LAMA2: variants seen among roughly 807,000 people sequenced by gnomAD.
LAMA2 encodes laminin subunit alpha-2.
In LAMA2, 269 loss-of-function variants were observed where a neutral mutation model predicts 364.8. The observed-to-expected ratio is 0.74, with a 90% CI of 0.67 to 0.82. LAMA2 has a LOEUF of 0.82. Among genes scored for constraint, LAMA2 ranks in the 40% least tolerant of loss-of-function variants. The pLI is 0.00. For missense variants in LAMA2, 3,807 were observed against 3,873.2 expected (o/e 0.98, Z 0.45); for synonymous variants, 1,379 against 1,370.6 (o/e 1.01, Z -0.14).
At chr6:129,262,345 G>T (rs1787193198) in intron 15 of LAMA2, among the ~76,000 whole-genome samples, 1 of 152,012 alleles carries the variant, frequency 6.6e-6, no homozygotes, top group Non-Finnish European at 1.5e-5. Flanking sequence ...TAAGGGAGAG[G>T]TATGTGCTAC....
intron 1 of LAMA2, among the ~76,000 whole-genome samples, chr6:128,977,417 T>C (rs953814509): frequency 6.6e-6 from 1 of 151,906 alleles, no homozygotes; most frequent in South Asian, 2.1e-4. Context: ...AGGGCCACCA[T>C]GCCCAACTAA....
chr6:129,042,795 G>C (rs1413720577), intron 1 of LAMA2, among the ~76,000 whole-genome samples: 1 of 152,082 alleles, frequency 6.6e-6, no homozygotes, highest in South Asian at 2.1e-4. Flanking sequence ...CTTATATTAT[G>C]TGGCATAATC....
intron 3 of LAMA2, among the ~76,000 whole-genome samples, chr6:129,084,303 G>A (rs1049871538): frequency 2.0e-5 from 3 of 152,086 alleles, no homozygotes; most frequent in South Asian, 2.1e-4. Context: ...AAAGATTACT[G>A]AGAATGTAGA....
chr6:129,202,136 C>T (rs7755187), intron 12 of LAMA2, among the ~76,000 whole-genome samples: 9,509 of 134,918 alleles, frequency 0.07, 429 homozygotes, highest in African/African-American at 0.14. Context: ...TTCAGTGAGC[C>T]GAGATCATAC....
chr6:128,983,236 A>C (rs1469825693), intron 1 of LAMA2, among the ~76,000 whole-genome samples: 1 of 152,006 alleles, frequency 6.6e-6, no homozygotes, highest in Non-Finnish European at 1.5e-5. Context: ...CCAACAGTGT[A>C]AAAGTGTTCC....
intron 1 of LAMA2, among the ~76,000 whole-genome samples, chr6:128,914,417 A>G (rs1778176835): frequency 6.6e-6 from 1 of 152,222 alleles, no homozygotes; most frequent in Non-Finnish European, 1.5e-5. Context: ...TGAGCAACTA[A>G]GAAATACTTA....
At chr6:129,447,371 G>T (rs887494370) in intron 45 of LAMA2, among the ~76,000 whole-genome samples, 1 of 152,204 alleles carries the variant, frequency 6.6e-6, no homozygotes, top group African/African-American at 2.4e-5. Flanking sequence ...GTGCTGGGGA[G>T]TTGGGGGTGG....
chr6:129,391,755 G>C (rs1779334962), intron 36 of LAMA2, 102 bp downstream of exon 36: 1 of 982,918 alleles, frequency 1.0e-6, no homozygotes, highest in Non-Finnish European at 1.6e-6. Flanking sequence ...AAGATGCTTT[G>C]TTTTTCCAAC....
chr6:129,362,895 G>A (rs1334105905), intron 32 of LAMA2, among the ~76,000 whole-genome samples: 1 of 152,164 alleles, frequency 6.6e-6, no homozygotes, highest in African/African-American at 2.4e-5. Context: ...AGAATTCTAG[G>A]TAGAGAAGAC....
intron 1 of LAMA2, among the ~76,000 whole-genome samples, chr6:128,893,813 T>C (rs1582616535): frequency 1.3e-5 from 2 of 152,122 alleles, no homozygotes; most frequent in Non-Finnish European, 2.9e-5. Flanking sequence ...AATAAAACAA[T>C]TACATGTTGA....
chr6:129,410,462 A>G (rs1048468503), intron 40 of LAMA2, among the ~76,000 whole-genome samples: 2 of 152,144 alleles, frequency 1.3e-5, no homozygotes, highest in Non-Finnish European at 2.9e-5. Context: ...TTACTCACAC[A>G]TACACTCACA....
intron 4 of LAMA2, among the ~76,000 whole-genome samples, chr6:129,103,085 G>C (rs1775608046): frequency 1.3e-5 from 2 of 152,308 alleles, no homozygotes; most frequent in South Asian, 4.1e-4. Flanking sequence ...CAGGACAAAA[G>C]CTGTCACAAC....
chr6:128,991,696 A>G (rs1783623882), intron 1 of LAMA2, among the ~76,000 whole-genome samples: 1 of 152,214 alleles, frequency 6.6e-6, no homozygotes, highest in Non-Finnish European at 1.5e-5. Context: ...AATCTATTCT[A>G]GGACAAAATA....
At chr6:129,105,568 T>G (rs780851130) in intron 4 of LAMA2, among the ~76,000 whole-genome samples, 1 of 152,200 alleles carries the variant, frequency 6.6e-6, no homozygotes, top group African/African-American at 2.4e-5. Flanking sequence ...TTTCCAGCCT[T>G]TTAAACCCTG....
intron 44 of LAMA2, among the ~76,000 whole-genome samples, chr6:129,444,214 C>T (rs1373963549): frequency 6.6e-6 from 1 of 152,056 alleles, no homozygotes; most frequent in African/African-American, 2.4e-5. Context: ...TTCCAAGTTC[C>T]ATTTTGAAAC....
intron 2 of LAMA2, among the ~76,000 whole-genome samples, chr6:129,055,523 A>G (rs529370503): frequency 8.1e-4 from 123 of 152,254 alleles, no homozygotes; most frequent in South Asian, 5.0e-3. Context: ...GACCAGATTC[A>G]TTCCACATTT....
intron 34 of LAMA2, among the ~76,000 whole-genome samples, chr6:129,371,883 A>G (rs1245258118): frequency 3.3e-5 from 5 of 152,172 alleles, no homozygotes; most frequent in Non-Finnish European, 7.3e-5. Flanking sequence ...CTGGGATTAC[A>G]GGCATGAGCC....
At position 129,361,241 on chromosome 6, in the gene LAMA2, G is replaced by C. The variant is rs367973646; in HGVS notation, c.4718-4978G>C. On this transcript the variant is annotated intron_variant, in intron 32 of 64. Coordinates refer to ENST00000421865, the MANE Select transcript of LAMA2 (RefSeq NM_000426.4). ...ACTTTTAAAACAATGATGAACTTGG[G>C]CTCAGTGAGAGAAGAACCTTCCTAT... Among the ~76,000 whole-genome samples, 117 of 152,212 alleles carry C rather than the reference G, an allele frequency of 7.7e-4. 6 individuals carry two copies. In the South Asian group the frequency reaches 0.024, roughly 31 times the overall value.
chr6:129,357,862 C>T (rs529047415), intron 32 of LAMA2, among the ~76,000 whole-genome samples: 2 of 151,860 alleles, frequency 1.3e-5, no homozygotes, highest in Non-Finnish European at 2.9e-5. Context: ...GGAGCAGAAA[C>T]AAAATAGAAT....
Sources: gnomAD v4.1 joint callset for allele counts (sites outside exome capture counted in the v4.1 genomes callset) on GRCh38, gnomAD v4.1.1 for gene constraint, MANE v1.5 for transcripts, NCBI Gene and HGNC (gene_info 2026-07-23, HGNC 2026-07-21) for gene names.